Variants in WSB2 observed in about 807,000 individuals in gnomAD.
WSB2 encodes WD repeat and SOCS box-containing protein 2.
A neutral mutation model predicts 48.8 loss-of-function variants in WSB2; 12 were observed. The observed-to-expected ratio is 0.25, with a 90% CI of 0.16 to 0.40. WSB2 has a LOEUF of 0.40. Among genes scored for constraint, WSB2 ranks in the 10% least tolerant of loss-of-function variants. The probability of loss-of-function intolerance (pLI) is 1.00; values close to 1 mark genes in which losing one functional copy is unlikely to be tolerated. For synonymous variants in WSB2, 191 were observed against 203.1 expected, an observed-to-expected ratio of 0.94 and a Z score of 0.51; for missense variants, 317 against 506.2, an observed-to-expected ratio of 0.63 and a Z score of 3.59.
intron 2 of WSB2, among the ~76,000 whole-genome samples, chr12:118,043,933 A>C (rs962303180): frequency 3.3e-5 from 5 of 151,846 alleles, no homozygotes; most frequent in Admixed American, 6.6e-5. Flanking sequence ...CCTGGCCAAC[A>C]TGGTGAAACC....
upstream of WSB2, chr12:118,062,168 C>T: frequency 1.3e-6 from 2 of 1,535,280 alleles, no homozygotes; most frequent in South Asian, 2.4e-5. Context: ...CGCATAGCCT[C>T]AAGAAATGGC....
chr12:118,036,391 A>G lies in WSB2; in HGVS notation c.780T>C (p.Asp260=). The G allele has an allele frequency of 1.2e-6, 2 of 1,614,210 alleles. No individual in the cohort carries two copies. Among genetic ancestry groups the G allele is most frequent in the Non-Finnish European group, 1.7e-6 (2 of 1,180,042 alleles). The stretch of plus-strand genomic sequence containing the variant: ...AGGGGTCCCACATAATCACATTGGT[A>G]TCGTAAGAAGCCGTGACAAGCAGGG... ...DSALLVTASY[D]TNVIMWDPYT... The change falls in exon 6 of 9, where the codon GAT becomes GAC. Residue 260 remains aspartate (D), a synonymous_variant. Transcript: ENST00000315436.
chr12:118,053,862 G>C (rs57072278), intron 1 of WSB2, among the ~76,000 whole-genome samples: 3,915 of 152,158 alleles, frequency 0.026, 184 homozygotes, highest in African/African-American at 0.09. Context: ...TTACCAGATA[G>C]ATATTCATTT....
chr12:118,061,201 C>A, upstream of WSB2: 1 of 980,454 alleles, frequency 1.0e-6, no homozygotes, highest in South Asian at 4.8e-5. Context: ...GCGGTGGGCG[C>A]GGGCGGAGAC....
chr12:118,041,715 T>G (rs888602482), intron 4 of WSB2, among the ~76,000 whole-genome samples: 4 of 150,838 alleles, frequency 2.7e-5, no homozygotes, highest in African/African-American at 9.7e-5. Context: ...AATTGAAAGA[T>G]GGCATTGCAA....
Position 118,034,099 on chromosome 12 carries a change from T to C in WSB2, c.*97A>G. On this transcript the variant is annotated 3_prime_UTR_variant, in exon 9 of 9. Transcript: ENST00000315436. ...TATTCACAATCCCAAAGAAATGCTA[T>C]TTCAATGCAAGACCAGATGTTTGGC... 6.7e-7 allele frequency: 1 copy of C among 1,496,754 alleles called. No homozygotes were observed. Among genetic ancestry groups the C allele is most frequent in the Non-Finnish European group, 9.2e-7 (1 of 1,087,734 alleles). 92.7% of individuals were successfully genotyped at this position (1,496,754 alleles called of 1,614,324 possible).
chr12:118,041,798 A>G (rs998153946), intron 4 of WSB2, among the ~76,000 whole-genome samples: 3 of 124,444 alleles, frequency 2.4e-5, no homozygotes, highest in African/African-American at 9.6e-5. Flanking sequence ...TCTGTTGCCC[A>G]GGCTGGAGTG....
chr12:118,054,541 A>G (rs2031917351), intron 1 of WSB2, among the ~76,000 whole-genome samples: 1 of 151,718 alleles, frequency 6.6e-6, no homozygotes, highest in Admixed American at 6.6e-5. Context: ...TTGGTGGCGC[A>G]TGCCTGTAAT....
chr12:118,038,253 C>A, intron 5 of WSB2, 35 bp downstream of exon 5: 1 of 1,591,182 alleles, frequency 6.3e-7, no homozygotes, highest in South Asian at 1.1e-5. Flanking sequence ...ACCTCCATGT[C>A]TCAGTGAATT....
At chr12:118,048,549 C>T (rs767046657) in intron 2 of WSB2, among the ~76,000 whole-genome samples, 2 of 150,396 alleles carry the variant, frequency 1.3e-5, no homozygotes, top group African/African-American at 4.9e-5. Flanking sequence ...TGCGCCACTA[C>T]ACTCTGGCCT....
At chr12:118,042,634 T>C in intron 4 of WSB2, 1 of 645,014 alleles carries the variant, frequency 1.6e-6, no homozygotes, top group Non-Finnish European at 2.6e-6. Context: ...ACACAGTATA[T>C]GTTCGGTATT....
At chr12:118,050,492 T>G (rs1006502829) in intron 2 of WSB2, among the ~76,000 whole-genome samples, 2 of 151,516 alleles carry the variant, frequency 1.3e-5, no homozygotes, top group Non-Finnish European at 2.9e-5. Flanking sequence ...AATTTAAAAG[T>G]TGGCTGGGCA....
chr12:118,035,442 T>C, intron 6 of WSB2, 118 bp from the exon 7 acceptor site: 1 of 808,884 alleles, frequency 1.2e-6, no homozygotes, highest in Non-Finnish European at 2.0e-6. Context: ...AGATGCATTG[T>C]GTGCCCCTCG....
intron 2 of WSB2, among the ~76,000 whole-genome samples, chr12:118,051,429 C>A (rs2031850897): frequency 6.6e-6 from 1 of 152,014 alleles, no homozygotes; most frequent in Non-Finnish European, 1.5e-5. Context: ...CCATATGATG[C>A]AATAAAAGGA....
chr12:118,061,243 G>C (rs866149170), upstream of WSB2: 208 of 956,766 alleles, frequency 2.2e-4, no homozygotes, highest in African/African-American at 2.6e-3. Flanking sequence ...GAAACGGAGG[G>C]GGGGTGCGGA....
chr12:118,034,206 C>T lies in WSB2; in HGVS notation c.1205G>A (p.Arg402Lys), dbSNP rs572067248. The T allele has an allele frequency of 1.7e-5, 28 of 1,614,154 alleles. No individual in the cohort carries two copies. In the East Asian group the frequency reaches 5.8e-4, roughly 33 times the overall value. ...AAGATGTGGTGTTGCTTAAAAAGTC[C>T]TGTATGTGAGGAACTCTTTCATTTT... ...PKKMKEFLTY[R>K]TF Residue 402 changes from arginine (R) to lysine (K), a missense_variant, in exon 9 of 9, where the codon AGG (arginine) becomes AAG (lysine). Physicochemically the swap from Arg to Lys is conservative, Grantham distance 26. Coordinates refer to ENST00000315436, the MANE Select transcript of WSB2 (RefSeq NM_018639.5).
intron 8 of WSB2, 48 bp from the exon 9 acceptor site, chr12:118,034,406 G>C (rs760071172): frequency 6.3e-7 from 1 of 1,599,206 alleles, no homozygotes; most frequent in Non-Finnish European, 8.5e-7. Context: ...GGATGTTCAT[G>C]TTTTCATGAG....
chr12:118,061,483 TA>T (rs948480590), upstream of WSB2, among the ~76,000 whole-genome samples: 1 of 145,126 alleles, frequency 6.9e-6, no homozygotes, highest in Admixed American at 6.9e-5. Flanking sequence ...CAGCGCCGGA[TA>T]AAAACGGGGA....
intron 1 of WSB2, among the ~76,000 whole-genome samples, chr12:118,056,307 C>CA (rs749420020): frequency 1.3e-5 from 2 of 152,196 alleles, no homozygotes; most frequent in Non-Finnish European, 2.9e-5. Flanking sequence ...CCATGCCCTT[C>CA]ACCTGGAATG....
Sources: allele counts gnomAD v4.1 joint callset (sites outside exome capture counted in the v4.1 genomes callset), GRCh38; gene constraint gnomAD v4.1.1; transcripts MANE v1.5; gene names NCBI Gene and HGNC (gene_info 2026-07-23, HGNC 2026-07-21).